NAALAD2: variants seen among roughly 807,000 people sequenced by gnomAD.
NAALAD2 encodes the protein N-acetylated alpha-linked acidic dipeptidase 2, also known as N-acetylated-alpha-linked acidic dipeptidase 2.
Under a neutral mutation model 95.6 loss-of-function variants are expected in NAALAD2, and 89 were observed. The observed-to-expected ratio is 0.93, with a 90% CI of 0.78 to 1.11. The LOEUF is 1.11. Ranked by LOEUF, NAALAD2 falls within the 50% of genes least tolerant of loss-of-function variation. The probability of loss-of-function intolerance (pLI) is 0.00; values close to 1 mark genes in which losing one functional copy is unlikely to be tolerated. For missense variants in NAALAD2, 894 were observed against 872.4 expected (o/e 1.02, Z -0.31); for synonymous variants, 264 against 294.4 (o/e 0.90, Z 1.06).
intron 13 of NAALAD2, among the ~76,000 whole-genome samples, chr11:90,171,402 G>C (rs1952630468): frequency 6.6e-6 from 1 of 152,166 alleles, no homozygotes; most frequent in African/African-American, 2.4e-5. Flanking sequence ...TTGGGTAGCT[G>C]ATGTCTTTGA....
chr11:90,146,734 T>G (rs1951759517), intron 2 of NAALAD2, among the ~76,000 whole-genome samples: 1 of 152,140 alleles, frequency 6.6e-6, no homozygotes, highest in South Asian at 2.1e-4. Flanking sequence ...GTGGGGTCAC[T>G]TAAATGTTAC....
chr11:90,148,732 G>A (rs1258669412), intron 3 of NAALAD2, among the ~76,000 whole-genome samples: 1 of 151,086 alleles, frequency 6.6e-6, no homozygotes, highest in Non-Finnish European at 1.5e-5. Context: ...TCAAAAAAAA[G>A]AGGATCACCA....
At chr11:90,133,974 G>T (rs1428550847), upstream of NAALAD2, among the ~76,000 whole-genome samples, 1 of 152,136 alleles carries the variant, frequency 6.6e-6, no homozygotes, top group Non-Finnish European at 1.5e-5. Context: ...TATGGTCAGA[G>T]AGACCCCCTG....
rs536241083 is a variant in NAALAD2 at position 90,140,892 on chromosome 11, G to A, written c.194+5222G>A. Among the ~76,000 whole-genome samples, 37 of 152,032 alleles carry A rather than the reference G, an allele frequency of 2.4e-4. 1 individual carries two copies. The highest frequency in any genetic ancestry group is 2.4e-3 in the Admixed American group (37 of 15,264). The stretch of plus-strand genomic sequence containing the variant: ...ATTTTGAGTTATTTTGTGCATAAAG[G>A]TGTAAGGTTTAGGTTGAGTTTATTC... On this transcript the variant is annotated intron_variant, in intron 2 of 18. Transcript: ENST00000534061.
At position 90,159,255 on chromosome 11, in the gene NAALAD2, G is replaced by T. The variant is rs756100134; in HGVS notation, c.907G>T (p.Ala303Ser). ...TTTTGTCAGCTACTTGGGAGGAATTGCTCCACCAGATAAGAGTTGGAAGGG... is the reference window on the plus strand; with the variant it reads ...TTTTGTCAGCTACTTGGGAGGAATTTCTCCACCAGATAAGAGTTGGAAGGG... ...EILLRYLGGI[A>S]PPDKSWKGAL... The change falls in exon 8 of 19, where the codon GCT becomes TCT. Residue 303 changes from alanine (A) to serine (S), a missense_variant. By Grantham distance (99) the Ala-to-Ser change is moderately conservative (BLOSUM62 1). Transcript: ENST00000534061. The T allele has an allele frequency of 9.3e-6, 15 of 1,613,130 alleles. No individual in the cohort carries two copies. The Admixed American group carries it at 1.5e-4, about 16-fold the overall frequency.
chr11:90,134,861 A>T, intron 1 of NAALAD2, 21 bp downstream of exon 1: 1 of 1,611,762 alleles, frequency 6.2e-7, no homozygotes, highest in Non-Finnish European at 8.5e-7. Flanking sequence ...AAAACACTCT[A>T]CCCCGACTCC....
chr11:90,132,465 C>T (rs371812114), upstream of NAALAD2, among the ~76,000 whole-genome samples: 1 of 152,148 alleles, frequency 6.6e-6, no homozygotes, highest in Non-Finnish European at 1.5e-5. Flanking sequence ...ATGTAGTCAA[C>T]AGTGAATGGT....
rs760441573 is a variant in NAALAD2 at position 90,178,023 on chromosome 11, A to C, written c.1764A>C (p.Gln588His). Residue 588 changes from glutamine (Q) to histidine (H), a missense_variant, in exon 16 of 19, where the codon CAA (glutamine) becomes CAC (histidine). Gln to His is a conservative substitution (Grantham distance 24). Transcript: ENST00000534061. ...CTAAAATCATTCCTTTTAATATTCA[A>C]GACTATGCAGAAGCTTTGAAAAACT... The part of the protein sequence containing the change: ...VDSKIIPFNI[Q>H]DYAEALKNYA... The C allele has an allele frequency of 3.1e-6, 5 of 1,613,972 alleles. No homozygotes were observed. The South Asian group carries it at 5.5e-5, about 18-fold the overall frequency.
At position 90,178,048 on chromosome 11, in the gene NAALAD2, T is replaced by G. The variant is rs764726136; in HGVS notation, c.1789T>G (p.Tyr597Asp). ...AGACTATGCAGAAGCTTTGAAAAAC[T>G]ATGCAGCAAGTATCTATAATCTATC... ...IQDYAEALKN[Y>D]AASIYNLSKK... Residue 597 changes from tyrosine to aspartate, a missense_variant, in exon 16 of 19, where the codon TAT becomes GAT. Transcript: ENST00000534061. The G allele has an allele frequency of 3.1e-6, 5 of 1,613,842 alleles. No homozygotes were observed. Among genetic ancestry groups the G allele is most frequent in the South Asian group, 2.2e-5 (2 of 91,062 alleles).
chr11:90,134,798 T>C lies in NAALAD2; in HGVS notation c.40T>C (p.Leu14=). The change falls in exon 1 of 19, where the codon TTG becomes CTG. Residue 14 remains leucine (L), a synonymous_variant. Transcript: ENST00000534061. ...GGGCCGTCTGTACCTTTGGATGTGC[T>C]TGGCTGCTGCGCTGGCATCTTTCCT... The part of the protein sequence containing the change: ...SRGRLYLWMC[L]AAALASFLMG... 6.2e-7 allele frequency: 1 copy of C among 1,614,158 alleles called. No individual in the cohort carries two copies. The highest frequency in any genetic ancestry group is 1.1e-5 in the South Asian group (1 of 91,078).
intron 16 of NAALAD2, among the ~76,000 whole-genome samples, chr11:90,180,018 G>A (rs1952913360): frequency 6.6e-6 from 1 of 152,092 alleles, no homozygotes; most frequent in Non-Finnish European, 1.5e-5. Flanking sequence ...GTGCCAGGCA[G>A]AAACAGTTCC....
rs1314923219 is a variant in NAALAD2, at chr11:90,155,690, TACATATGTATGTATTATTA to T, written c.797-2454_797-2436del. 1.2e-3 allele frequency among the ~76,000 whole-genome samples: 105 copies of T among 85,404 alleles called. 3 individuals carry two copies. The highest frequency in any genetic ancestry group is 0.011 in the East Asian group (37 of 3,378). The allele number at this position is 85,404 out of a possible 152,430, so 56.0% of individuals were successfully genotyped here. On this transcript the variant is annotated intron_variant, in intron 6 of 18. Coordinates refer to ENST00000534061, the MANE Select transcript of NAALAD2 (RefSeq NM_005467.4). Reference sequence around the variant, plus strand: ...TTATTGTATGTATGTAATACATACATACATATGTATGTATTATTATTGTATGTATGTAATACATACATAC... The same window carrying T: ...TTATTGTATGTATGTAATACATACATTTGTATGTATGTAATACATACATAC...
rs183092637 is a variant in NAALAD2, at chr11:90,149,299, G to C, written c.483+192G>C. On this transcript the variant is annotated intron_variant, in intron 4 of 18. Transcript: ENST00000534061. ...TAAAATAAAATAGAAAAGAACACCA[G>C]AGAAAAAAGAAACAAAACAAATACA... 1.6e-3 allele frequency among the ~76,000 whole-genome samples: 241 copies of C among 152,200 alleles called. 1 individual carries two copies. Among genetic ancestry groups the C allele is most frequent in the African/African-American group, 5.6e-3 (233 of 41,544 alleles).
rs1952975265 is a variant in NAALAD2, at chr11:90,181,688, GTTGA to G, written c.1929_1932del (p.Asp644LeufsTer7). The G allele has an allele frequency of 1.9e-6, 3 of 1,567,404 alleles. No homozygotes were observed. The African/African-American group carries it at 4.2e-5, about 22-fold the overall frequency. On this transcript the variant is annotated frameshift_variant, in exon 17 of 19. Transcript: ENST00000534061. LOFTEE classifies it high-confidence loss of function. ...AGATTTTCATAAACGACTTATACAA[GTTGA>G]TCTTAACAAGTAAGTTTCAAATCCC...
chr11:90,152,166 G>A, intron 5 of NAALAD2, 132 bp from the exon 6 acceptor site: 1 of 767,906 alleles, frequency 1.3e-6, no homozygotes, highest in East Asian at 2.9e-5. Flanking sequence ...AAAGCCAAGA[G>A]AACTGAATGT....
intron 11 of NAALAD2, among the ~76,000 whole-genome samples, chr11:90,164,852 T>C (rs977881623): frequency 2.6e-5 from 4 of 152,188 alleles, no homozygotes; most frequent in African/African-American, 7.2e-5. Flanking sequence ...AACTCAAATG[T>C]AGTAATTTTT....
chr11:90,150,675 A>T, intron 5 of NAALAD2, 68 bp downstream of exon 5: 1 of 1,311,526 alleles, frequency 7.6e-7, no homozygotes, highest in Admixed American at 2.7e-5. Context: ...TAAATGACCA[A>T]CTTGCTTCTC....
intron 2 of NAALAD2, among the ~76,000 whole-genome samples, chr11:90,145,960 C>T (rs146839671): frequency 2.0e-5 from 3 of 152,170 alleles, no homozygotes; most frequent in African/African-American, 7.2e-5. Context: ...ATGCAGGGTA[C>T]AGGGAGTTGT....
At chr11:90,170,341 T>G (rs1389410072) in intron 13 of NAALAD2, among the ~76,000 whole-genome samples, 1 of 152,236 alleles carries the variant, frequency 6.6e-6, no homozygotes, top group Admixed American at 6.5e-5. Flanking sequence ...GTTCTAGCAA[T>G]AGTTCTTATT....
Sources: allele counts gnomAD v4.1 joint callset (sites outside exome capture counted in the v4.1 genomes callset), GRCh38; gene constraint gnomAD v4.1.1; transcripts MANE v1.5; gene names NCBI Gene and HGNC (gene_info 2026-07-23, HGNC 2026-07-21).